The following CDC20B variants were observed in gnomAD, a reference collection of about 807,000 sequenced individuals.
The protein encoded by CDC20B is cell division cycle protein 20 homolog B.
CDC20B carries 58 observed loss-of-function variants against 64.1 expected under a neutral mutation model. That is an observed-to-expected ratio of 0.90 (90% CI 0.73 to 1.13). CDC20B has a LOEUF of 1.13. CDC20B is among the 50% of genes most tolerant of loss of function. CDC20B has a pLI of 0.00. For missense variants in CDC20B, 597 were observed against 633.0 expected (o/e 0.94, Z 0.61); for synonymous variants, 243 against 230.6 (o/e 1.05, Z -0.49).
At chr5:55,170,611 C>T in intron 2 of CDC20B, 1 of 534,782 alleles carries the variant, frequency 1.9e-6, no homozygotes, top group South Asian at 1.4e-5. Context: ...ACTGCCAGCT[C>T]ATCACACACA....
chr5:55,141,133 C>T (rs748301290), intron 4 of CDC20B, among the ~76,000 whole-genome samples: 3 of 152,130 alleles, frequency 2.0e-5, no homozygotes, highest in Non-Finnish European at 4.4e-5. Flanking sequence ...CTTTGGGGGG[C>T]CGTAGGCAGG....
At chr5:55,162,636 G>A (rs1170272382) in intron 2 of CDC20B, among the ~76,000 whole-genome samples, 3 of 152,134 alleles carry the variant, frequency 2.0e-5, no homozygotes, top group Non-Finnish European at 4.4e-5. Flanking sequence ...AATGCCTAAC[G>A]CCATAAATGG....
At chr5:55,169,204 C>G (rs2111613111) in intron 2 of CDC20B, among the ~76,000 whole-genome samples, 2 of 152,090 alleles carry the variant, frequency 1.3e-5, no homozygotes, top group East Asian at 3.9e-4. Flanking sequence ...TGGGCAACAT[C>G]AAAAAGAGGA....
chr5:55,161,019 G>A, intron 2 of CDC20B: 1 of 1,613,696 alleles, frequency 6.2e-7, no homozygotes, highest in East Asian at 2.2e-5. Context: ...AACGTGGCCA[G>A]TGACTGCCAA....
chr5:55,146,738 G>C lies in CDC20B; in HGVS notation c.245C>G (p.Thr82Ser), dbSNP rs1189346391. 1.2e-6 allele frequency: 2 copies of C among 1,614,028 alleles called. No individual in the cohort carries two copies. Among genetic ancestry groups the C allele is most frequent in the East Asian group, 2.2e-5 (1 of 44,886 alleles). The change falls in exon 3 of 12, where the codon ACT becomes AGT. Residue 82 changes from threonine to serine, a missense_variant. Thr to Ser is a moderately conservative substitution (Grantham distance 58). Transcript: ENST00000381375. ...PITTRWQQSQ[T>S]RALSSDSFGE... is the part of the protein sequence containing the mutation. ...AAAGGAATCAGAGGACAGAGCCCTA[G>C]TTTGACTTTGCTGCCACCTTGTGGT...
At chr5:55,144,400 C>G (rs1488758203) in intron 3 of CDC20B, among the ~76,000 whole-genome samples, 1 of 152,206 alleles carries the variant, frequency 6.6e-6, no homozygotes, top group Non-Finnish European at 1.5e-5. Context: ...TCTGCCATAT[C>G]ACTTGTTCAT....
chr5:55,122,535 C>T lies in CDC20B; in HGVS notation c.1216-1985G>A, dbSNP rs148855088. Among the ~76,000 whole-genome samples the T allele has an allele frequency of 1.1e-3, 175 of 152,330 alleles. 2 individuals carry two copies. Among genetic ancestry groups the T allele is most frequent in the African/African-American group, 3.7e-3 (155 of 41,580 alleles). On this transcript the variant is annotated intron_variant, in intron 9 of 11. Coordinates refer to ENST00000381375, the MANE Select transcript of CDC20B (RefSeq NM_001170402.1). ...AGTCCTTCTGAGCCTCGCCCATTCC[C>T]TCCATCAATAGGTACAATCTAATTC...
At chr5:55,163,350 T>C (rs1744192096) in intron 2 of CDC20B, among the ~76,000 whole-genome samples, 1 of 151,670 alleles carries the variant, frequency 6.6e-6, no homozygotes, top group Non-Finnish European at 1.5e-5. Flanking sequence ...AGCGAGACCC[T>C]GCCAAAAAAA....
At chr5:55,128,916 C>T (rs753261283) in intron 6 of CDC20B, among the ~76,000 whole-genome samples, 3 of 152,128 alleles carry the variant, frequency 2.0e-5, no homozygotes, top group Non-Finnish European at 4.4e-5. Flanking sequence ...ATGTAGACTT[C>T]GTTTAACGGA....
chr5:55,158,636 C>T (rs1743885666), intron 2 of CDC20B, among the ~76,000 whole-genome samples: 1 of 152,202 alleles, frequency 6.6e-6, no homozygotes, highest in African/African-American at 2.4e-5. Context: ...GGGCACTCCA[C>T]AAACATCTCA....
chr5:55,134,543 C>A (rs1448887244), intron 5 of CDC20B, among the ~76,000 whole-genome samples: 1 of 152,122 alleles, frequency 6.6e-6, no homozygotes, highest in Non-Finnish European at 1.5e-5. Flanking sequence ...AGGCAGATTG[C>A]CTGAGCCCAG....
chr5:55,126,818 A>G (rs1324726086), intron 8 of CDC20B, among the ~76,000 whole-genome samples: 5 of 152,214 alleles, frequency 3.3e-5, no homozygotes, highest in Non-Finnish European at 5.9e-5. Flanking sequence ...TTTGAGAACT[A>G]CTGAACAGGA....
chr5:55,167,630 T>A (rs1382183721), intron 2 of CDC20B, among the ~76,000 whole-genome samples: 1 of 151,728 alleles, frequency 6.6e-6, no homozygotes, highest in African/African-American at 2.4e-5. Flanking sequence ...GCAGCTGAGG[T>A]GGGAGGATCA....
In CDC20B at chr5:55,128,421, T is replaced by C; in HGVS notation, c.894A>G (p.Gln298=). The C allele has an allele frequency of 6.3e-7, 1 of 1,598,918 alleles. No homozygotes were observed. The highest frequency in any genetic ancestry group is 1.4e-5 in the African/African-American group (1 of 73,870). Residue 298 remains glutamine (Q), a splice_region_variant and synonymous_variant, in exon 7 of 12, where the codon CAA becomes CAG. Coordinates refer to ENST00000381375, the MANE Select transcript of CDC20B (RefSeq NM_001170402.1). ...GAGAAAAAAAAAAACTGGCCAGTACTTGCACTTCTCCCTCGCTGGTGCCAA... is the reference window on the plus strand; with the variant it reads ...GAGAAAAAAAAAAACTGGCCAGTACCTGCACTTCTCCCTCGCTGGTGCCAA... ...LAVGTSEGEV[Q]LWDVVTKKRL...
intron 6 of CDC20B, among the ~76,000 whole-genome samples, chr5:55,130,698 G>A (rs1743007929): frequency 6.6e-6 from 1 of 152,222 alleles, no homozygotes; most frequent in South Asian, 2.1e-4. Context: ...CTTCAGAAAT[G>A]AAGGAGAACA....
intron 2 of CDC20B, chr5:55,163,995 A>T: frequency 8.0e-7 from 1 of 1,249,276 alleles, no homozygotes; most frequent in South Asian, 1.7e-5. Flanking sequence ...TACTAATAGA[A>T]GTGAAAATCT....
intron 11 of CDC20B, among the ~76,000 whole-genome samples, chr5:55,115,141 A>G (rs1742593101): frequency 6.6e-6 from 1 of 152,194 alleles, no homozygotes; most frequent in Non-Finnish European, 1.5e-5. Context: ...AAGGACCAAA[A>G]AAGCTCTCCC....
At chr5:55,117,240 CT>C (rs1375351418) in intron 11 of CDC20B, among the ~76,000 whole-genome samples, 1 of 152,062 alleles carries the variant, frequency 6.6e-6, no homozygotes, top group Non-Finnish European at 1.5e-5. Flanking sequence ...GGTGAGGTCT[CT>C]TTAACTGAAA....
intron 2 of CDC20B, among the ~76,000 whole-genome samples, chr5:55,168,247 A>G (rs1212312513): frequency 2.0e-5 from 3 of 152,150 alleles, no homozygotes. Context: ...GAGAGAAATT[A>G]GGAAGCTATC....
Sources: allele counts gnomAD v4.1 joint callset (sites outside exome capture counted in the v4.1 genomes callset), GRCh38; gene constraint gnomAD v4.1.1; transcripts MANE v1.5; gene names NCBI Gene and HGNC (gene_info 2026-07-23, HGNC 2026-07-21).